The following ROR1 variants were observed in gnomAD, a reference collection of about 807,000 sequenced individuals.
The protein encoded by ROR1 is ROR family WNT receptor 1, also known as inactive tyrosine-protein kinase transmembrane receptor ROR1.
ROR1 carries 19 observed loss-of-function variants against 78.8 expected under a neutral mutation model. That is an observed-to-expected ratio of 0.24 (90% confidence interval 0.17 to 0.35). The LOEUF (loss-of-function observed/expected upper bound fraction) is 0.35, where lower values mean the gene tolerates loss of function less well. Ranked by LOEUF, ROR1 falls within the 10% of genes least tolerant of loss-of-function variation. The pLI, the probability that ROR1 is intolerant of heterozygous loss-of-function variation, is 1.00. For synonymous variants in ROR1, 386 were observed against 433.6 expected (o/e 0.89, Z 1.36); for missense variants, 917 against 1,177.8 (o/e 0.78, Z 3.24).
intron 2 of ROR1, among the ~76,000 whole-genome samples, chr1:64,021,305 C>T (rs527861029): frequency 6.6e-6 from 1 of 152,312 alleles, no homozygotes; most frequent in East Asian, 1.9e-4. Flanking sequence ...TCCTAGGACT[C>T]TAATTTCAAC....
At chr1:63,809,649 C>T (rs759794179) in intron 1 of ROR1, among the ~76,000 whole-genome samples, 4 of 151,960 alleles carry the variant, frequency 2.6e-5, no homozygotes, top group Non-Finnish European at 5.9e-5. Flanking sequence ...CATGGAAAGG[C>T]CAAGTTTTAA....
At chr1:64,061,585 T>C (rs1646917483) in intron 4 of ROR1, among the ~76,000 whole-genome samples, 1 of 152,210 alleles carries the variant, frequency 6.6e-6, no homozygotes. Context: ...GGCCTGGGAC[T>C]GCATTTCTTA....
chr1:63,905,979 T>C (rs1645525007), intron 1 of ROR1, among the ~76,000 whole-genome samples: 1 of 152,184 alleles, frequency 6.6e-6, no homozygotes, highest in African/African-American at 2.4e-5. Context: ...TTACTGATAA[T>C]TAGCTAAATG....
chr1:63,813,869 A>C (rs774227111), intron 1 of ROR1, among the ~76,000 whole-genome samples: 8 of 152,112 alleles, frequency 5.3e-5, no homozygotes, highest in Non-Finnish European at 1.0e-4. Context: ...TTCCTACTTA[A>C]TTGCTAGTCT....
intron 8 of ROR1, among the ~76,000 whole-genome samples, chr1:64,165,871 A>G (rs1216922819): frequency 6.6e-6 from 1 of 151,390 alleles, no homozygotes; most frequent in African/African-American, 2.4e-5. Context: ...CACGTGGCTA[A>G]TTTTTGTCTT....
At chr1:63,918,081 A>C (rs951610010) in intron 1 of ROR1, among the ~76,000 whole-genome samples, 5 of 152,190 alleles carry the variant, frequency 3.3e-5, no homozygotes, top group African/African-American at 1.2e-4. Flanking sequence ...CCTTGAGGCC[A>C]TGCTTGTTGT....
At chr1:64,006,072 C>T (rs191497988) in intron 1 of ROR1, among the ~76,000 whole-genome samples, 91 of 152,286 alleles carry the variant, frequency 6.0e-4, no homozygotes, top group Non-Finnish European at 9.8e-4. Flanking sequence ...TCATTGGTCC[C>T]AAATTATATT....
At chr1:63,807,453 A>G (rs1041470550) in intron 1 of ROR1, among the ~76,000 whole-genome samples, 1 of 152,146 alleles carries the variant, frequency 6.6e-6, no homozygotes, top group African/African-American at 2.4e-5. Context: ...TTGTGCTAGC[A>G]TCAGTCTTTT....
intron 1 of ROR1, 70 bp from the exon 2 acceptor site, chr1:64,009,235 C>A: frequency 8.4e-7 from 1 of 1,184,790 alleles, no homozygotes; most frequent in Non-Finnish European, 1.3e-6. Flanking sequence ...TCTAATGCTT[C>A]TAACAGCCTA....
At chr1:63,934,270 C>A (rs977466987) in intron 1 of ROR1, among the ~76,000 whole-genome samples, 2 of 151,986 alleles carry the variant, frequency 1.3e-5, no homozygotes, top group Non-Finnish European at 2.9e-5. Flanking sequence ...TGAGCTAGAC[C>A]CCCCTGGTTT....
At chr1:63,995,994 C>T (rs1254682308) in intron 1 of ROR1, among the ~76,000 whole-genome samples, 1 of 152,088 alleles carries the variant, frequency 6.6e-6, no homozygotes, top group African/African-American at 2.4e-5. Context: ...TTATAGTCTA[C>T]TACACTACCT....
At chr1:63,879,791 G>T (rs564760217) in intron 1 of ROR1, among the ~76,000 whole-genome samples, 1 of 152,240 alleles carries the variant, frequency 6.6e-6, no homozygotes, top group African/African-American at 2.4e-5. Flanking sequence ...AGAACAAGAA[G>T]TACCAGCATG....
At chr1:63,806,586 G>C (rs1314282276) in intron 1 of ROR1, among the ~76,000 whole-genome samples, 1 of 152,110 alleles carries the variant, frequency 6.6e-6, no homozygotes, top group Non-Finnish European at 1.5e-5. Flanking sequence ...CAAAGTGCTG[G>C]GATTACAGGC....
chr1:64,007,812 T>A (rs11208334), intron 1 of ROR1, among the ~76,000 whole-genome samples: 4,531 of 152,274 alleles, frequency 0.03, 253 homozygotes, highest in African/African-American at 0.1. Flanking sequence ...TTGTTCTTCC[T>A]TAGGAAGGCT....
chr1:63,839,030 G>T lies in ROR1; in HGVS notation c.91+64522G>T, dbSNP rs185408202. 5.9e-5 allele frequency among the ~76,000 whole-genome samples: 9 copies of T among 152,290 alleles called. 1 individual carries two copies. Among genetic ancestry groups the T allele is most frequent in the African/African-American group, 2.2e-4 (9 of 41,558 alleles). On this transcript the variant is annotated intron_variant, in intron 1 of 8. Transcript: ENST00000371079. ...AGTAGGCTATACCATCTAAGTTTGTGTAAGTACGCTCTGTGATGTTCACAT... is the reference window on the plus strand; with the variant it reads ...AGTAGGCTATACCATCTAAGTTTGTTTAAGTACGCTCTGTGATGTTCACAT...
chr1:64,174,945 T>G (rs910053968), intron 8 of ROR1, among the ~76,000 whole-genome samples: 3 of 150,512 alleles, frequency 2.0e-5, no homozygotes, highest in African/African-American at 7.3e-5. Context: ...AAATGGTGGA[T>G]GGACTTACAA....
chr1:64,015,865 A>C (rs1355813993), intron 2 of ROR1, among the ~76,000 whole-genome samples: 5 of 152,140 alleles, frequency 3.3e-5, no homozygotes, highest in Non-Finnish European at 7.3e-5. Flanking sequence ...CAACTACTAA[A>C]ACACTTAGAG....
At chr1:63,792,825 T>C (rs942532998) in intron 1 of ROR1, among the ~76,000 whole-genome samples, 8 of 152,248 alleles carry the variant, frequency 5.3e-5, no homozygotes, top group African/African-American at 1.9e-4. Flanking sequence ...TTTCTACTAA[T>C]GTCTGTGGGA....
chr1:63,958,082 C>T (rs1404779309), intron 1 of ROR1, among the ~76,000 whole-genome samples: 1 of 152,158 alleles, frequency 6.6e-6, no homozygotes, highest in Non-Finnish European at 1.5e-5. Context: ...GCACTTACCA[C>T]AATTCCTCAT....
Sources: gnomAD v4.1 joint callset for allele counts (sites outside exome capture counted in the v4.1 genomes callset) on GRCh38, gnomAD v4.1.1 for gene constraint, MANE v1.5 for transcripts, NCBI Gene and HGNC (gene_info 2026-07-23, HGNC 2026-07-21) for gene names.